The following SAMMSON variants were observed in gnomAD, a reference collection of about 807,000 sequenced individuals.
SAMMSON encodes the protein survival associated mitochondrial melanoma specific oncogenic non-coding RNA.
intron 6 of SAMMSON, among the ~76,000 whole-genome samples, chr3:70,253,600 G>C (rs1460258981): frequency 1.3e-5 from 2 of 152,188 alleles, no homozygotes; most frequent in East Asian, 3.9e-4. Flanking sequence ...ATGCACCTCT[G>C]TAGTCCTAGC....
chr3:70,320,048 A>G (rs1702525559), intron 7 of SAMMSON, among the ~76,000 whole-genome samples: 1 of 152,080 alleles, frequency 6.6e-6, no homozygotes, highest in Non-Finnish European at 1.5e-5. Context: ...AGATGGAAAG[A>G]TTTGAGATCC....
chr3:70,291,158 A>G (rs1185601622), intron 6 of SAMMSON: 2 of 152,106 alleles, frequency 1.3e-5, no homozygotes, highest in Non-Finnish European at 2.9e-5. Flanking sequence ...TTTTTCACAT[A>G]TTTGCATGTT....
chr3:70,328,634 T>A (rs956454388), intron 7 of SAMMSON, among the ~76,000 whole-genome samples: 2 of 152,114 alleles, frequency 1.3e-5, no homozygotes, highest in Admixed American at 1.3e-4. Context: ...ACACAGATTT[T>A]AAAAATGACT....
At chr3:70,016,596 T>C (rs2066986919) in intron 3 of SAMMSON, among the ~76,000 whole-genome samples, 1 of 152,146 alleles carries the variant, frequency 6.6e-6, no homozygotes, top group African/African-American at 2.4e-5. Flanking sequence ...TTTAATTAGA[T>C]CCCATTTGTC....
chr3:70,017,154 T>C (rs904385301), intron 3 of SAMMSON, among the ~76,000 whole-genome samples: 31 of 152,192 alleles, frequency 2.0e-4, no homozygotes, highest in Non-Finnish European at 1.2e-4. Flanking sequence ...GGGGATGGCA[T>C]TGAATCTCTA....
At chr3:70,351,172 G>A (rs1702793000) in intron 7 of SAMMSON, among the ~76,000 whole-genome samples, 1 of 152,018 alleles carries the variant, frequency 6.6e-6, no homozygotes, top group Non-Finnish European at 1.5e-5. Flanking sequence ...GAAAAGCATA[G>A]GAAGATTGGC....
chr3:70,140,943 G>T (rs1242392112), intron 4 of SAMMSON, among the ~76,000 whole-genome samples: 1 of 152,156 alleles, frequency 6.6e-6, no homozygotes, highest in Non-Finnish European at 1.5e-5. Flanking sequence ...TTTCTCTACA[G>T]CAAACTTTCC....
intron 4 of SAMMSON, among the ~76,000 whole-genome samples, chr3:70,197,953 T>A (rs1399806538): frequency 6.6e-6 from 1 of 152,182 alleles, no homozygotes; most frequent in East Asian, 1.9e-4. Context: ...AGGTAACTGG[T>A]AATTTCTAGC....
intron 7 of SAMMSON, among the ~76,000 whole-genome samples, chr3:70,309,252 C>G (rs1702434795): frequency 6.6e-6 from 1 of 152,052 alleles, no homozygotes; most frequent in African/African-American, 2.4e-5. Flanking sequence ...TAAAGTCTTT[C>G]CAAGCCTACA....
At chr3:70,076,398 T>C (rs552129387) in intron 4 of SAMMSON, among the ~76,000 whole-genome samples, 1 of 152,338 alleles carries the variant, frequency 6.6e-6, no homozygotes, top group South Asian at 2.1e-4. Context: ...TTTTACACTT[T>C]GTTCATTTCA....
intron 2 of SAMMSON, among the ~76,000 whole-genome samples, chr3:70,426,437 C>T (rs1701369545): frequency 6.6e-6 from 1 of 152,216 alleles, no homozygotes; most frequent in Non-Finnish European, 1.5e-5. Flanking sequence ...TCAAGAGTTT[C>T]TCCCATTGAA....
intron 7 of SAMMSON, among the ~76,000 whole-genome samples, chr3:70,352,219 T>C (rs145690951): frequency 6.6e-6 from 1 of 152,000 alleles, no homozygotes; most frequent in African/African-American, 2.4e-5. Context: ...CAAGTTTTAG[T>C]GTTCTGAAAA....
Position 70,396,673 on chromosome 3 carries a change from A to G in SAMMSON, n.233+38349A>G, listed in dbSNP as rs1701096266. 2.0e-5 allele frequency among the ~76,000 whole-genome samples: 3 copies of G among 152,316 alleles called. No homozygotes were observed. In the South Asian group the frequency reaches 6.2e-4, roughly 32 times the overall value. ...GTAGAAAGAGGGAAATCTGTCTTGG[A>G]AATGTAAATTCAGGGGAAATCAGAG... On this transcript the variant is annotated intron_variant and non_coding_transcript_variant, in intron 2 of 3. Coordinates refer to the SAMMSON transcript ENST00000641053.
At chr3:70,225,484 C>A (rs907060714) in intron 4 of SAMMSON, among the ~76,000 whole-genome samples, 1 of 152,184 alleles carries the variant, frequency 6.6e-6, no homozygotes, top group South Asian at 2.1e-4. Flanking sequence ...ACCTCCCACT[C>A]TTTTGTTCAT....
chr3:70,083,879 G>T (rs191448042), intron 4 of SAMMSON, among the ~76,000 whole-genome samples: 1 of 152,128 alleles, frequency 6.6e-6, no homozygotes, highest in African/African-American at 2.4e-5. Context: ...TCTTTCTAGT[G>T]AAACTGTAAG....
intron 2 of SAMMSON, among the ~76,000 whole-genome samples, chr3:70,428,323 G>A (rs1487515181): frequency 6.6e-6 from 1 of 152,066 alleles, no homozygotes; most frequent in Non-Finnish European, 1.5e-5. Flanking sequence ...GAGTTAGAAG[G>A]CTAATACTAC....
intron 4 of SAMMSON, among the ~76,000 whole-genome samples, chr3:70,108,164 A>AT (rs915152712): frequency 5.9e-5 from 9 of 151,602 alleles, no homozygotes; most frequent in South Asian, 2.1e-4. Context: ...GCTCTTTCTC[A>AT]TTTTTTTTAA....
chr3:70,230,400 G>C (rs1294389140), intron 4 of SAMMSON, among the ~76,000 whole-genome samples: 1 of 151,990 alleles, frequency 6.6e-6, no homozygotes, highest in Non-Finnish European at 1.5e-5. Flanking sequence ...TATATTTGAG[G>C]GCTGGTGTCA....
At chr3:70,241,865 A>C (rs148431030) in intron 4 of SAMMSON, among the ~76,000 whole-genome samples, 2 of 152,216 alleles carry the variant, frequency 1.3e-5, no homozygotes, top group East Asian at 3.9e-4. Context: ...ACAGTGTGTA[A>C]GTAGTAGAGA....
Sources: gnomAD v4.1 joint callset for allele counts (sites outside exome capture counted in the v4.1 genomes callset) on GRCh38, gnomAD v4.1.1 for gene constraint, MANE v1.5 for transcripts, NCBI Gene and HGNC (gene_info 2026-07-23, HGNC 2026-07-21) for gene names.